Variants in GRXCR1 observed in about 807,000 individuals in gnomAD.
GRXCR1 encodes the protein glutaredoxin domain-containing cysteine-rich protein 1.
In GRXCR1, 27 loss-of-function variants were observed where a neutral mutation model predicts 27.3. That is an observed-to-expected ratio of 0.99 (90% CI 0.73 to 1.37). The LOEUF (loss-of-function observed/expected upper bound fraction) is 1.37. Among genes scored for constraint, GRXCR1 ranks in the 40% most tolerant of loss-of-function variants. The pLI is 0.00. For synonymous variants in GRXCR1, 122 were observed against 131.1 expected (o/e 0.93, Z 0.47); for missense variants, 379 against 354.4 (o/e 1.07, Z -0.56).
At chr4:42,956,126 C>T (rs1402193519) in intron 1 of GRXCR1, among the ~76,000 whole-genome samples, 1 of 152,094 alleles carries the variant, frequency 6.6e-6, no homozygotes, top group Non-Finnish European at 1.5e-5. Flanking sequence ...GCAGTAATTT[C>T]CATCCCTTTC....
At chr4:42,902,117 T>C (rs1746474935) in intron 1 of GRXCR1, among the ~76,000 whole-genome samples, 1 of 152,194 alleles carries the variant, frequency 6.6e-6, no homozygotes, top group East Asian at 1.9e-4. Flanking sequence ...ATTATATACC[T>C]TACTGAGTAA....
chr4:42,964,624 G>A (rs1478685392), intron 2 of GRXCR1, among the ~76,000 whole-genome samples: 2 of 152,142 alleles, frequency 1.3e-5, no homozygotes, highest in African/African-American at 4.8e-5. Flanking sequence ...CTGGCTAAGT[G>A]GCAAGGCCAG....
chr4:42,943,188 T>A (rs1205392336), intron 1 of GRXCR1, among the ~76,000 whole-genome samples: 1 of 152,132 alleles, frequency 6.6e-6, no homozygotes, highest in Non-Finnish European at 1.5e-5. Flanking sequence ...CACATATAGG[T>A]AAATTTTCAA....
chr4:42,982,282 A>T (rs1748694331), intron 2 of GRXCR1, among the ~76,000 whole-genome samples: 2 of 132,554 alleles, frequency 1.5e-5, no homozygotes, highest in African/African-American at 2.9e-5. Flanking sequence ...TTCAATTCCC[A>T]CCTATGAGTG....
intron 2 of GRXCR1, among the ~76,000 whole-genome samples, chr4:42,980,444 T>A (rs1560673450): frequency 6.6e-6 from 1 of 152,042 alleles, no homozygotes; most frequent in African/African-American, 2.4e-5. Flanking sequence ...TTTTTGTAAA[T>A]TTTTTGAAGT....
chr4:42,941,166 G>C (rs933909005), intron 1 of GRXCR1, among the ~76,000 whole-genome samples: 2 of 149,990 alleles, frequency 1.3e-5, no homozygotes, highest in Non-Finnish European at 3.0e-5. Flanking sequence ...CTGAGTTGTT[G>C]TGAGAACTAA....
chr4:42,984,193 C>A (rs1033587789), intron 2 of GRXCR1, among the ~76,000 whole-genome samples: 2 of 152,156 alleles, frequency 1.3e-5, no homozygotes, highest in African/African-American at 4.8e-5. Flanking sequence ...TCGCATTTTT[C>A]ATTTTGCTCA....
chr4:43,023,847 A>G (rs1365328777), intron 3 of GRXCR1, among the ~76,000 whole-genome samples: 1 of 152,254 alleles, frequency 6.6e-6, no homozygotes, highest in Non-Finnish European at 1.5e-5. Context: ...ATTATTTTAT[A>G]TAAAAGAATG....
At chr4:42,962,812 G>A (rs1034385305) in intron 1 of GRXCR1, 80 bp from the exon 2 acceptor site, 25 of 1,534,894 alleles carry the variant, frequency 1.6e-5, no homozygotes, top group East Asian at 4.5e-5. Context: ...TGGCTTTAAC[G>A]CAATTTTTAA....
At chr4:42,931,135 A>G (rs768666039) in intron 1 of GRXCR1, among the ~76,000 whole-genome samples, 1 of 151,882 alleles carries the variant, frequency 6.6e-6, no homozygotes, top group Non-Finnish European at 1.5e-5. Flanking sequence ...CTTTAAATGT[A>G]TGGATTATTT....
intron 1 of GRXCR1, among the ~76,000 whole-genome samples, chr4:42,931,798 T>C (rs1016939126): frequency 3.3e-5 from 5 of 151,934 alleles, no homozygotes; most frequent in African/African-American, 1.2e-4. Flanking sequence ...TCAACTATAG[T>C]CACTATATTA....
intron 1 of GRXCR1, among the ~76,000 whole-genome samples, chr4:42,928,111 GC>G (rs1331796878): frequency 2.0e-5 from 3 of 151,946 alleles, no homozygotes; most frequent in Non-Finnish European, 4.4e-5. Flanking sequence ...CCAGCAGAGA[GC>G]AAGCCGATGG....
Position 43,020,353 on chromosome 4 carries a change from G to T in GRXCR1, c.628-1G>T. 6.2e-7 allele frequency: 1 copy of T among 1,601,392 alleles called. No individual in the cohort carries two copies. The highest frequency in any genetic ancestry group is 8.6e-7 in the Non-Finnish European group (1 of 1,168,554). On this transcript the variant is annotated splice_acceptor_variant, in intron 2 of 3. Coordinates refer to ENST00000399770, the MANE Select transcript of GRXCR1 (RefSeq NM_001080476.3). LOFTEE classifies it high-confidence loss of function. ...TTCTCCCTACTCTCTCTCGTTAATA[G>T]GGTGCTGAGAAAATTTTGTCAATGA...
At chr4:42,930,068 A>G (rs1190818704) in intron 1 of GRXCR1, among the ~76,000 whole-genome samples, 1 of 151,818 alleles carries the variant, frequency 6.6e-6, no homozygotes, top group African/African-American at 2.4e-5. Context: ...TCCATTCTTG[A>G]TCTCATTTCT....
intron 2 of GRXCR1, among the ~76,000 whole-genome samples, chr4:42,972,906 T>G (rs936672776): frequency 6.6e-6 from 1 of 152,060 alleles, no homozygotes; most frequent in Non-Finnish European, 1.5e-5. Flanking sequence ...TTGAAATGAT[T>G]CCATATTCAA....
intron 2 of GRXCR1, among the ~76,000 whole-genome samples, chr4:42,996,423 G>T (rs1434394856): frequency 4.6e-5 from 7 of 152,130 alleles, no homozygotes; most frequent in Non-Finnish European, 1.0e-4. Context: ...TATGGCCTTA[G>T]TAAGTCATCT....
Position 42,926,619 on chromosome 4 carries a change from A to G in GRXCR1, c.384+32969A>G, listed in dbSNP as rs911819360. On this transcript the variant is annotated intron_variant, in intron 1 of 3. Coordinates refer to ENST00000399770, the MANE Select transcript of GRXCR1 (RefSeq NM_001080476.3). ...TTACTATTCAAAACTAACGTTACAC[A>G]TATTTCACATTGTTTTTTTTTTGTG... 4.6e-5 allele frequency among the ~76,000 whole-genome samples: 7 copies of G among 151,782 alleles called. No individual in the cohort carries two copies. The South Asian group carries it at 1.2e-3, about 27-fold the overall frequency.
At chr4:43,028,305 A>G (rs1489628635) in intron 3 of GRXCR1, among the ~76,000 whole-genome samples, 1 of 152,228 alleles carries the variant, frequency 6.6e-6, no homozygotes, top group Non-Finnish European at 1.5e-5. Flanking sequence ...GTCTCATACA[A>G]TATTTAGTAC....
At chr4:43,002,300 AC>A (rs1358430770) in intron 2 of GRXCR1, among the ~76,000 whole-genome samples, 30 of 152,278 alleles carry the variant, frequency 2.0e-4, no homozygotes, top group African/African-American at 7.2e-4. Flanking sequence ...CTTGGACAAT[AC>A]CCCGCTTTCA....
Sources: gnomAD v4.1 joint callset for allele counts (sites outside exome capture counted in the v4.1 genomes callset) on GRCh38, gnomAD v4.1.1 for gene constraint, MANE v1.5 for transcripts, NCBI Gene and HGNC (gene_info 2026-07-23, HGNC 2026-07-21) for gene names.